The following UGT1A10 variants were observed in gnomAD, a reference collection of about 807,000 sequenced individuals.
UGT1A10 encodes the protein UDP-glucuronosyltransferase 1A10.
UGT1A10 carries 49 observed loss-of-function variants against 45.8 expected under a neutral mutation model. The ratio of observed to expected loss-of-function variants is 1.07; its 90% CI spans 0.85 to 1.36. The LOEUF is 1.36. Ranked by LOEUF, UGT1A10 falls within the 40% of genes most tolerant of loss-of-function variation. The pLI is 0.00. For missense variants in UGT1A10, 745 were observed against 668.6 expected (o/e 1.11, Z -1.26); for synonymous variants, 284 against 249.7 (o/e 1.14, Z -1.29).
intron 1 of UGT1A10, among the ~76,000 whole-genome samples, chr2:233,716,039 C>T (rs1263753435): frequency 6.6e-6 from 1 of 152,186 alleles, no homozygotes; most frequent in Non-Finnish European, 1.5e-5. Context: ...TGTCAGCATT[C>T]TGATTCTGTC....
intron 1 of UGT1A10, among the ~76,000 whole-genome samples, chr2:233,702,926 A>C (rs1284253822): frequency 1.3e-5 from 2 of 152,120 alleles, no homozygotes; most frequent in Non-Finnish European, 2.9e-5. Flanking sequence ...TTTCTTGCGG[A>C]GCCTTGGTCT....
intron 1 of UGT1A10, among the ~76,000 whole-genome samples, chr2:233,683,344 G>A (rs2074629666): frequency 6.6e-6 from 1 of 152,064 alleles, no homozygotes; most frequent in South Asian, 2.1e-4. Context: ...TTGCATGGTA[G>A]TCTTTACTTT....
chr2:233,661,623 T>TTTTC (rs55749169), intron 1 of UGT1A10, among the ~76,000 whole-genome samples: 17,258 of 123,590 alleles, frequency 0.14, 1,323 homozygotes, highest in East Asian at 0.18. Context: ...ACTTACTGAA[T>TTTTC]TTTCTTTCTT....
At chr2:233,689,322 A>T (rs1279672784) in intron 1 of UGT1A10, among the ~76,000 whole-genome samples, 1 of 152,264 alleles carries the variant, frequency 6.6e-6, no homozygotes, top group Non-Finnish European at 1.5e-5. Flanking sequence ...AAACATCTAC[A>T]CTGAGATTTG....
chr2:233,692,994 C>T (rs2075125575), intron 1 of UGT1A10: 1 of 1,613,956 alleles, frequency 6.2e-7, no homozygotes, highest in Non-Finnish European at 8.5e-7. Context: ...GTTACTTTAA[C>T]TCTTTCCAGG....
At chr2:233,754,114 G>A (rs1442882252) in intron 1 of UGT1A10, among the ~76,000 whole-genome samples, 1 of 152,128 alleles carries the variant, frequency 6.6e-6, no homozygotes, top group Non-Finnish European at 1.5e-5. Flanking sequence ...CCTACATCAC[G>A]AGCATTTATG....
At chr2:233,642,719 C>A (rs2073482761) in intron 1 of UGT1A10, among the ~76,000 whole-genome samples, 1 of 152,162 alleles carries the variant, frequency 6.6e-6, no homozygotes, top group Non-Finnish European at 1.5e-5. Context: ...GCTGTTTCTG[C>A]TTTAGGGGGC....
chr2:233,690,942 A>G, intron 1 of UGT1A10: 1 of 1,016,324 alleles, frequency 9.8e-7, no homozygotes, highest in South Asian at 4.0e-5. Flanking sequence ...CCTCCAACTC[A>G]TGTTCTGTAG....
chr2:233,665,702 C>T (rs929083091), intron 1 of UGT1A10, among the ~76,000 whole-genome samples: 1 of 152,058 alleles, frequency 6.6e-6, no homozygotes, highest in Non-Finnish European at 1.5e-5. Flanking sequence ...TGCATCCCTA[C>T]CAGATAGGGA....
chr2:233,671,838 C>A, intron 1 of UGT1A10: 3 of 1,463,380 alleles, frequency 2.1e-6, no homozygotes, highest in South Asian at 3.2e-5. Flanking sequence ...AAAAACACGC[C>A]CTCTATTGGG....
chr2:233,688,933 G>C (rs1216013654), intron 1 of UGT1A10, among the ~76,000 whole-genome samples: 2 of 152,148 alleles, frequency 1.3e-5, no homozygotes, highest in Non-Finnish European at 2.9e-5. Context: ...AAGATGGCAG[G>C]TGCAGCATGA....
Position 233,669,306 on chromosome 2 carries a change from A to G in UGT1A10, c.855+31929A>G, listed in dbSNP as rs545434565. ...ATTTTTGCTATTGTAGGTCTTTTAC[A>G]TTTCCCTATGAATTTTAGAATCAGT... On this transcript the variant is annotated intron_variant, in intron 1 of 4. Coordinates refer to ENST00000344644, the MANE Select transcript of UGT1A10 (RefSeq NM_019075.4). Among the ~76,000 whole-genome samples, 8 of 151,548 alleles carry G rather than the reference A, an allele frequency of 5.3e-5. No homozygotes were observed. In the South Asian group the frequency reaches 1.7e-3, roughly 32 times the overall value.
At position 233,699,208 on chromosome 2, in the gene UGT1A10, A is replaced by G. The variant is rs75951571; in HGVS notation, c.855+61831A>G. On this transcript the variant is annotated intron_variant, in intron 1 of 4. Coordinates refer to ENST00000344644, the MANE Select transcript of UGT1A10 (RefSeq NM_019075.4). ...CTTCTTCAGAATCTCATGCTGTTGC[A>G]TGAAAAAAAAACAAAAACGAACTTT... Among the ~76,000 whole-genome samples the G allele has an allele frequency of 2.6e-5, 4 of 151,942 alleles. No homozygotes were observed. The East Asian group carries it at 5.8e-4, about 22-fold the overall frequency.
intron 1 of UGT1A10, among the ~76,000 whole-genome samples, chr2:233,756,964 A>T (rs1482766015): frequency 6.6e-6 from 1 of 152,056 alleles, no homozygotes; most frequent in African/African-American, 2.4e-5. Flanking sequence ...GGCACTTGGT[A>T]AGCACGCAAT....
chr2:233,693,563 G>T (rs1303936700), intron 1 of UGT1A10: 1 of 1,614,216 alleles, frequency 6.2e-7, no homozygotes, highest in Non-Finnish European at 8.5e-7. Context: ...CAGAAGCCCA[G>T]ACCCTGTGTC....
At chr2:233,724,380 G>A (rs868115518) in intron 1 of UGT1A10, among the ~76,000 whole-genome samples, 4,371 of 138,732 alleles carry the variant, frequency 0.032, 38 homozygotes, top group African/African-American at 0.047. Flanking sequence ...GCTGCCGGGC[G>A]GAGACGCTCC....
At chr2:233,708,644 G>C (rs970833084) in intron 1 of UGT1A10, 1 of 152,176 alleles carries the variant, frequency 6.6e-6, no homozygotes, top group Non-Finnish European at 1.5e-5. Flanking sequence ...CTAACTACTC[G>C]GAAGGCTGAG....
At chr2:233,644,444 G>A (rs571879545) in intron 1 of UGT1A10, among the ~76,000 whole-genome samples, 22 of 152,066 alleles carry the variant, frequency 1.4e-4, no homozygotes, top group Non-Finnish European at 2.5e-4. Flanking sequence ...GGTGCATGCC[G>A]GTAATCCCAG....
chr2:233,636,554 C>A lies in UGT1A10; in HGVS notation c.32C>A (p.Pro11His). The change falls in exon 1 of 5, where the codon CCT becomes CAT. Residue 11 changes from proline (P) to histidine (H), a missense_variant. Coordinates refer to ENST00000344644, the MANE Select transcript of UGT1A10 (RefSeq NM_019075.4). ...CGCGCAGGGTGGACCAGCCCCGTTC[C>A]TTTATGTGTGTGTCTACTGCTGACC... is the stretch of plus-strand genomic sequence containing the variant. MARAGWTSPVPLCVCLLLTCG... is the reference protein window; with the variant it reads MARAGWTSPVHLCVCLLLTCG... The A allele has an allele frequency of 6.2e-7, 1 of 1,614,156 alleles. No individual in the cohort carries two copies. The highest frequency in any genetic ancestry group is 8.5e-7 in the Non-Finnish European group (1 of 1,180,040).
Sources: gnomAD v4.1 joint callset for allele counts (sites outside exome capture counted in the v4.1 genomes callset) on GRCh38, gnomAD v4.1.1 for gene constraint, MANE v1.5 for transcripts, NCBI Gene and HGNC (gene_info 2026-07-23, HGNC 2026-07-21) for gene names.